RAB10: variants seen among roughly 807,000 people sequenced by gnomAD.
The protein encoded by RAB10 is RAB10, member RAS oncogene family.
Under a neutral mutation model 25.7 loss-of-function variants are expected in RAB10, and 5 were observed. The ratio of observed to expected loss-of-function variants is 0.19; its 90% CI spans 0.10 to 0.41. RAB10 has a LOEUF of 0.41. RAB10 is among the 10% of genes least tolerant of loss of function. The pLI is 1.00. For missense variants in RAB10, 103 were observed against 245.8 expected (o/e 0.42, Z 3.89); for synonymous variants, 89 against 86.4 (o/e 1.03, Z -0.16).
At chr2:26,104,507 A>G (rs1417267907) in intron 2 of RAB10, among the ~76,000 whole-genome samples, 1 of 152,202 alleles carries the variant, frequency 6.6e-6, no homozygotes, top group Non-Finnish European at 1.5e-5. Flanking sequence ...CAAGTTTGCA[A>G]ATAGTTTCTT....
At chr2:26,104,218 A>G (rs1030793960) in intron 2 of RAB10, among the ~76,000 whole-genome samples, 20 of 152,142 alleles carry the variant, frequency 1.3e-4, no homozygotes, top group African/African-American at 4.3e-4. Context: ...AAGGGTCCCA[A>G]TTTCTCTACA....
At chr2:26,131,669 C>G (rs1668015511) in intron 5 of RAB10, among the ~76,000 whole-genome samples, 2 of 152,122 alleles carry the variant, frequency 1.3e-5, no homozygotes, top group Non-Finnish European at 2.9e-5. Context: ...TCATTTCCCC[C>G]TTACTCCCCA....
At chr2:26,125,937 C>T (rs1667895067) in intron 3 of RAB10, among the ~76,000 whole-genome samples, 1 of 152,072 alleles carries the variant, frequency 6.6e-6, no homozygotes, top group Admixed American at 6.5e-5. Flanking sequence ...GTCAAAGAAA[C>T]CATTGCCAAA....
chr2:26,033,805 G>GA (rs1342711622), upstream of RAB10, among the ~76,000 whole-genome samples: 1 of 128,872 alleles, frequency 7.8e-6, no homozygotes, highest in Non-Finnish European at 1.8e-5. Context: ...GGGGGTCGGA[G>GA]GGGGGGCGCT....
At chr2:26,054,636 A>T (rs964604843) in intron 1 of RAB10, among the ~76,000 whole-genome samples, 1 of 152,204 alleles carries the variant, frequency 6.6e-6, no homozygotes, top group African/African-American at 2.4e-5. Flanking sequence ...ACTCTCTAAG[A>T]GATTAAGCAT....
At chr2:26,054,350 G>A (rs879882147) in intron 1 of RAB10, among the ~76,000 whole-genome samples, 9 of 151,622 alleles carry the variant, frequency 5.9e-5, no homozygotes, top group African/African-American at 2.2e-4. Context: ...CACCGCGCCC[G>A]GCCTAATGTT....
At chr2:26,080,064 C>G (rs1666834604) in intron 1 of RAB10, among the ~76,000 whole-genome samples, 1 of 152,050 alleles carries the variant, frequency 6.6e-6, no homozygotes, top group South Asian at 2.1e-4. Context: ...TCTTGTGATT[C>G]TAGAAAACAA....
chr2:26,131,937 GT>G (rs1668020611), intron 5 of RAB10, among the ~76,000 whole-genome samples: 1 of 152,162 alleles, frequency 6.6e-6, no homozygotes, highest in African/African-American at 2.4e-5. Flanking sequence ...TCAAACTTAT[GT>G]GCACATTAAC....
At chr2:26,102,663 C>A (rs1046560800) in intron 2 of RAB10, among the ~76,000 whole-genome samples, 3 of 152,134 alleles carry the variant, frequency 2.0e-5, no homozygotes, top group Admixed American at 6.5e-5. Flanking sequence ...TGGTCTCGAT[C>A]TCCTGACCTT....
chr2:26,106,391 C>T (rs571299050), intron 2 of RAB10, among the ~76,000 whole-genome samples: 1 of 152,258 alleles, frequency 6.6e-6, no homozygotes, highest in East Asian at 1.9e-4. Context: ...GGCCTAGACA[C>T]ATAGGAGATT....
chr2:26,102,126 G>A (rs750452), intron 2 of RAB10: 116,227 of 152,224 alleles, frequency 0.76, 44,461 homozygotes, highest in East Asian at 0.87. Context: ...GATAGTGGCA[G>A]GATCTGCCAT....
chr2:26,106,283 C>T lies in RAB10; in HGVS notation c.189-3485C>T, dbSNP rs560227866. ...TATGGGAAGGCTAGGGTAGCTAAAA[C>T]AATTTGACAAAGTAAAATAAGTGGG... On this transcript the variant is annotated intron_variant, in intron 2 of 5. Transcript: ENST00000264710. 1.1e-4 allele frequency among the ~76,000 whole-genome samples: 16 copies of T among 152,256 alleles called. No individual in the cohort carries two copies. The South Asian group carries it at 3.1e-3, about 30-fold the overall frequency.
At chr2:26,087,433 G>T (rs1667011245) in intron 1 of RAB10, among the ~76,000 whole-genome samples, 1 of 152,020 alleles carries the variant, frequency 6.6e-6, no homozygotes, top group Admixed American at 6.6e-5. Flanking sequence ...ACGAATTTTC[G>T]CTCTCGTTGC....
intron 1 of RAB10, among the ~76,000 whole-genome samples, chr2:26,080,985 A>G (rs1666857341): frequency 1.3e-5 from 2 of 152,188 alleles, no homozygotes; most frequent in African/African-American, 2.4e-5. Flanking sequence ...TGTAATTCCC[A>G]CAGTCCCACA....
intron 3 of RAB10, among the ~76,000 whole-genome samples, chr2:26,118,476 T>A (rs1350680531): frequency 1.3e-5 from 2 of 152,108 alleles, no homozygotes; most frequent in Admixed American, 6.6e-5. Flanking sequence ...CAGGTTCTCA[T>A]GTACCTAGTC....
chr2:26,034,438 A>C lies in RAB10; in HGVS notation c.-171A>C. 1.2e-6 allele frequency: 1 copy of C among 843,498 alleles called. No individual in the cohort carries two copies. The highest frequency in any genetic ancestry group is 1.8e-5 in the South Asian group (1 of 54,650). The allele number at this position is 843,498 out of a possible 1,614,324, so 52.3% of individuals were successfully genotyped here. ...GCCCTCGGAGGCACTGGACGCCGCC[A>C]CTGTCGGGGCTTCCTCAAAGCTGTT... On this transcript the variant is annotated 5_prime_UTR_variant, in exon 1 of 6. Coordinates refer to ENST00000264710, the MANE Select transcript of RAB10 (RefSeq NM_016131.5).
chr2:26,043,169 G>A (rs372022705), intron 1 of RAB10, among the ~76,000 whole-genome samples: 3 of 151,480 alleles, frequency 2.0e-5, no homozygotes, highest in Admixed American at 6.6e-5. Flanking sequence ...GCTTATGCCC[G>A]TAAATCCCAG....
chr2:26,035,427 A>G (rs965342863), intron 1 of RAB10, among the ~76,000 whole-genome samples: 1 of 152,198 alleles, frequency 6.6e-6, no homozygotes, highest in African/African-American at 2.4e-5. Flanking sequence ...ATTTGACTCT[A>G]GTATTTACAG....
At chr2:26,043,609 A>G (rs1665936727) in intron 1 of RAB10, among the ~76,000 whole-genome samples, 1 of 152,220 alleles carries the variant, frequency 6.6e-6, no homozygotes, top group African/African-American at 2.4e-5. Flanking sequence ...AAATTCTAAC[A>G]TGCTACCACA....
Sources: allele counts gnomAD v4.1 joint callset (sites outside exome capture counted in the v4.1 genomes callset), GRCh38; gene constraint gnomAD v4.1.1; transcripts MANE v1.5; gene names NCBI Gene and HGNC (gene_info 2026-07-23, HGNC 2026-07-21).